MINPP1: variants seen among roughly 807,000 people sequenced by gnomAD.
MINPP1 encodes multiple inositol-polyphosphate phosphatase 1.
In MINPP1, 28 loss-of-function variants were observed where a neutral mutation model predicts 46.1. That is an observed-to-expected ratio of 0.61 (90% CI 0.45 to 0.83). The LOEUF is 0.83. Ranked by LOEUF, MINPP1 falls within the 40% of genes least tolerant of loss-of-function variation. The pLI is 0.00. For synonymous variants in MINPP1, 268 were observed against 249.1 expected (o/e 1.08, Z -0.72); for missense variants, 603 against 610.0 (o/e 0.99, Z 0.12).
In MINPP1 at chr10:87,508,655, A is replaced by G. The variant is rs575102965; in HGVS notation, c.835+122A>G. Reference sequence around the variant, plus strand: ...ATAATTGATCTACATTAAGAAAATAATATGTTCTGGGTCAAAAAAATTGTA... The same window carrying G: ...ATAATTGATCTACATTAAGAAAATAGTATGTTCTGGGTCAAAAAAATTGTA... On this transcript the variant is annotated intron_variant, in intron 2 of 4. Transcript: ENST00000371996. 1.2e-5 allele frequency: 12 copies of G among 1,012,530 alleles called. No homozygotes were observed. The East Asian group carries it at 2.6e-4, about 22-fold the overall frequency. The allele number at this position is 1,012,530 out of a possible 1,614,324, so 62.7% of individuals were successfully genotyped here.
At chr10:87,517,851 G>T (rs1002961771) in intron 3 of MINPP1, among the ~76,000 whole-genome samples, 1 of 151,594 alleles carries the variant, frequency 6.6e-6, no homozygotes, top group Non-Finnish European at 1.5e-5. Context: ...TAGTAGAGAC[G>T]GGGTTTTGCC....
intron 4 of MINPP1, among the ~76,000 whole-genome samples, chr10:87,542,728 C>T (rs1042739563): frequency 6.6e-6 from 1 of 152,200 alleles, no homozygotes; most frequent in Non-Finnish European, 1.5e-5. Flanking sequence ...AGCCACGCTT[C>T]CTGTACAGCC....
At chr10:87,514,628 C>G (rs1428371802) in intron 3 of MINPP1, among the ~76,000 whole-genome samples, 1 of 152,186 alleles carries the variant, frequency 6.6e-6, no homozygotes, top group Non-Finnish European at 1.5e-5. Context: ...TCAGATTAAA[C>G]ATTTTTGACA....
Position 87,552,778 on chromosome 10 carries a change from G to A in MINPP1, c.*300G>A, listed in dbSNP as rs1258551565. On this transcript the variant is annotated 3_prime_UTR_variant, in exon 5 of 5. Coordinates refer to ENST00000371996, the MANE Select transcript of MINPP1 (RefSeq NM_004897.5). ...AGAAATCTCACACTGAGATAGAATT[G>A]TGATTTCATAATAACACTTGAAAAG... 2.6e-6 allele frequency: 1 copy of A among 379,562 alleles called. No individual in the cohort carries two copies. The highest frequency in any genetic ancestry group is 4.8e-6 in the Non-Finnish European group (1 of 206,908). 23.5% of individuals were successfully genotyped at this position (379,562 alleles called of 1,614,324 possible). A position where few individuals can be genotyped will look rare whatever the true frequency, so the allele number is the denominator to read the frequency against.
chr10:87,529,704 G>A (rs937015034), intron 4 of MINPP1, among the ~76,000 whole-genome samples: 7 of 152,164 alleles, frequency 4.6e-5, no homozygotes, highest in Admixed American at 1.3e-4. Context: ...TTCTCAAGGA[G>A]TATCTTTGTG....
Position 87,513,139 on chromosome 10 carries a change from C to G in MINPP1, c.851C>G (p.Ala284Gly), listed in dbSNP as rs748636033. 4.8e-5 allele frequency: 77 copies of G among 1,613,454 alleles called. No individual in the cohort carries two copies. In the Admixed American group the frequency reaches 5.2e-4, roughly 11 times the overall value. Reference protein sequence around the residue: ...NDLNADLIQVAFFTCSFDLAI... With the variant: ...NDLNADLIQVGFFTCSFDLAI... ...TTCCCCCCAGATTTAATTCAAGTAG[C>G]CTTTTTCACCTGTTCATTTGACCTG... Residue 284 changes from alanine to glycine, a missense_variant, in exon 3 of 5, where the codon GCC becomes GGC. Physicochemically the swap from Ala to Gly is moderately conservative, Grantham distance 60. This residue lies in a region of MINPP1 where 344 missense variants were observed against 381.1 expected (regional missense o/e 0.90). Transcript: ENST00000371996.
chr10:87,516,812 A>G lies in MINPP1; in HGVS notation c.933+3591A>G, dbSNP rs1182548107. Among the ~76,000 whole-genome samples the G allele has an allele frequency of 1.3e-5, 2 of 150,424 alleles. 1 individual carries two copies. Among genetic ancestry groups the G allele is most frequent in the Non-Finnish European group, 3.0e-5 (2 of 67,440 alleles). On this transcript the variant is annotated intron_variant, in intron 3 of 4. Coordinates refer to ENST00000371996, the MANE Select transcript of MINPP1 (RefSeq NM_004897.5). The stretch of plus-strand genomic sequence containing the variant: ...CCTTCTCTGAAATTATTTCTCCGTA[A>G]TTGTGTATTTTTGCTTTCAATTTTT...
chr10:87,511,354 T>G (rs1042002714), intron 2 of MINPP1, among the ~76,000 whole-genome samples: 1 of 152,186 alleles, frequency 6.6e-6, no homozygotes, highest in Non-Finnish European at 1.5e-5. Context: ...GTGTTGTATT[T>G]TGTCTAGGAA....
intron 4 of MINPP1, among the ~76,000 whole-genome samples, chr10:87,551,042 C>G (rs530055655): frequency 1.3e-5 from 2 of 152,242 alleles, no homozygotes; most frequent in East Asian, 3.9e-4. Context: ...TGGCTTCTCT[C>G]TGCTTTCTTC....
intron 2 of MINPP1, among the ~76,000 whole-genome samples, chr10:87,511,779 GTT>G (rs1234890294): frequency 6.6e-6 from 1 of 152,002 alleles, no homozygotes; most frequent in Non-Finnish European, 1.5e-5. Context: ...TGACTTCATA[GTT>G]TCAGAATTAG....
chr10:87,518,120 C>T (rs879890764), intron 3 of MINPP1, among the ~76,000 whole-genome samples: 5 of 151,744 alleles, frequency 3.3e-5, no homozygotes, highest in Non-Finnish European at 4.4e-5. Flanking sequence ...CCACCACACC[C>T]GGCTAATTTT....
intron 4 of MINPP1, among the ~76,000 whole-genome samples, chr10:87,536,036 C>T (rs1339835847): frequency 3.9e-5 from 6 of 152,176 alleles, no homozygotes; most frequent in African/African-American, 1.4e-4. Flanking sequence ...AAACATCTCT[C>T]TCCTTAATTA....
chr10:87,520,080 T>TGTGTGTGTGTG, intron 3 of MINPP1, among the ~76,000 whole-genome samples: 1 of 29,710 alleles, frequency 3.4e-5, no homozygotes, highest in South Asian at 1.1e-3. Flanking sequence ...GTGTGTGTGT[T>TGTGTGTGTGTG]GGTAATAAAT....
At chr10:87,510,852 C>T (rs766109657) in intron 2 of MINPP1, among the ~76,000 whole-genome samples, 3 of 152,178 alleles carry the variant, frequency 2.0e-5, no homozygotes, top group Non-Finnish European at 4.4e-5. Flanking sequence ...GAATATTTTA[C>T]ATCTTGACAT....
chr10:87,540,062 G>A (rs1468359404), intron 4 of MINPP1, among the ~76,000 whole-genome samples: 3 of 152,120 alleles, frequency 2.0e-5, no homozygotes, highest in Admixed American at 1.3e-4. Context: ...TAGACACAAG[G>A]TCTCTCCATG....
intron 2 of MINPP1, among the ~76,000 whole-genome samples, chr10:87,512,830 C>CA (rs901653302): frequency 1.9e-4 from 26 of 139,942 alleles, no homozygotes; most frequent in South Asian, 1.2e-3. Flanking sequence ...AGACCCTGTC[C>CA]AAAAAAAAAA....
intron 2 of MINPP1, among the ~76,000 whole-genome samples, chr10:87,512,299 C>T (rs1417837984): frequency 6.6e-6 from 1 of 152,132 alleles, no homozygotes; most frequent in Non-Finnish European, 1.5e-5. Context: ...ATAACTTATT[C>T]TGAAATCCAC....
At chr10:87,512,696 A>C (rs544483530) in intron 2 of MINPP1, among the ~76,000 whole-genome samples, 1 of 152,236 alleles carries the variant, frequency 6.6e-6, no homozygotes, top group African/African-American at 2.4e-5. Context: ...CTTTTTGTTG[A>C]TATTGCTAGG....
intron 4 of MINPP1, among the ~76,000 whole-genome samples, chr10:87,537,028 G>A (rs775147084): frequency 3.3e-5 from 5 of 151,886 alleles, no homozygotes; most frequent in African/African-American, 9.7e-5. Context: ...CCTCTGTCTC[G>A]TGGGCTCAAG....
Sources: gnomAD v4.1 joint callset for allele counts (sites outside exome capture counted in the v4.1 genomes callset) on GRCh38, gnomAD v4.1.1 for gene constraint, gnomAD v4.1.1 regional missense constraint, MANE v1.5 for transcripts, NCBI Gene and HGNC (gene_info 2026-07-23, HGNC 2026-07-21) for gene names.